The following COBLL1 variants were observed in gnomAD, a reference collection of about 807,000 sequenced individuals.
COBLL1 encodes the protein cordon-bleu WH2 repeat protein like 1, also known as cordon-bleu protein-like 1.
In COBLL1, 50 loss-of-function variants were observed where a neutral mutation model predicts 94.8. That is an observed-to-expected ratio of 0.53 (90% CI 0.42 to 0.67). COBLL1 has a LOEUF of 0.67. COBLL1 is among the 30% of genes least tolerant of loss of function. The pLI is 0.00. For synonymous variants in COBLL1, 448 were observed against 473.8 expected (o/e 0.95, Z 0.71); for missense variants, 1,362 against 1,348.7 (o/e 1.01, Z -0.15).
At chr2:164,745,411 GCCC>G (rs1381709941) in intron 2 of COBLL1, among the ~76,000 whole-genome samples, 1 of 152,098 alleles carries the variant, frequency 6.6e-6, no homozygotes, top group Non-Finnish European at 1.5e-5. Context: ...AAAGAAGAAT[GCCC>G]CCCAATTTCA....
At chr2:164,781,152 C>T (rs1688705341) in intron 2 of COBLL1, among the ~76,000 whole-genome samples, 1 of 152,224 alleles carries the variant, frequency 6.6e-6, no homozygotes, top group Non-Finnish European at 1.5e-5. Flanking sequence ...CTTTTACATA[C>T]ATCACAGTGA....
In COBLL1 at chr2:164,694,994, G is replaced by T. The variant is rs1574421633; in HGVS notation, c.2398C>A (p.Pro800Thr). The change falls in exon 12 of 14, where the codon CCT (proline) becomes ACT (threonine). Residue 800 changes from proline to threonine, a missense_variant. Physicochemically the swap from Pro to Thr is conservative, Grantham distance 38 (BLOSUM62 -1). Coordinates refer to ENST00000652658, the MANE Select transcript of COBLL1 (RefSeq NM_001365672.2). ...ACTTGATGCTCTGTTCTCAGGTTAG[G>T]CTTCGGTTTAAGGTTTGGCAGTGGC... ...EEPLPNLKPKPNLRTEHQVPS... is the reference protein window; with the variant it reads ...EEPLPNLKPKTNLRTEHQVPS... 6.2e-7 allele frequency: 1 copy of T among 1,613,822 alleles called. No individual in the cohort carries two copies. The highest frequency in any genetic ancestry group is 1.3e-5 in the African/African-American group (1 of 74,878).
chr2:164,724,500 G>T (rs1685619177), intron 5 of COBLL1: 1 of 152,094 alleles, frequency 6.6e-6, no homozygotes, highest in South Asian at 2.1e-4. Context: ...TAAAACAAAT[G>T]ACCTAGTTTC....
chr2:164,733,780 T>C (rs576562323), intron 3 of COBLL1, among the ~76,000 whole-genome samples: 32 of 152,324 alleles, frequency 2.1e-4, no homozygotes, highest in Admixed American at 3.9e-4. Flanking sequence ...TGTTTTACAG[T>C]AATATGCCCA....
rs1683155598 is a variant in COBLL1, at chr2:164,683,825, G to T, written c.*2121C>A. 6.6e-6 allele frequency: 1 copy of T among 152,124 alleles called. No homozygotes were observed. The highest frequency in any genetic ancestry group is 1.5e-5 in the Non-Finnish European group (1 of 68,024). 9.4% of individuals were successfully genotyped at this position (152,124 alleles called of 1,614,324 possible). ...CTCTAGCTTGTTCATTTGGACTGCT[G>T]TGTGGAAGTCTATCATATGAATATA... On this transcript the variant is annotated 3_prime_UTR_variant, in exon 14 of 14. Transcript: ENST00000652658.
chr2:164,778,168 C>T (rs1274722588), intron 2 of COBLL1, among the ~76,000 whole-genome samples: 2 of 152,144 alleles, frequency 1.3e-5, no homozygotes, highest in Non-Finnish European at 2.9e-5. Context: ...ACTCACTCAA[C>T]ATTTACTGAG....
chr2:164,678,248 C>T (rs1691370753), downstream of COBLL1, among the ~76,000 whole-genome samples: 2 of 152,068 alleles, frequency 1.3e-5, no homozygotes, highest in Non-Finnish European at 2.9e-5. Context: ...GTGCAGTATA[C>T]ACATTTTGAC....
At chr2:164,709,803 T>C (rs1200498249) in intron 7 of COBLL1, among the ~76,000 whole-genome samples, 1 of 152,214 alleles carries the variant, frequency 6.6e-6, no homozygotes, top group Non-Finnish European at 1.5e-5. Context: ...CGTACAATTA[T>C]GTGGTCTGTC....
At chr2:164,840,272 G>C (rs1273088947) in intron 2 of COBLL1, among the ~76,000 whole-genome samples, 1 of 151,444 alleles carries the variant, frequency 6.6e-6, no homozygotes, top group Admixed American at 6.6e-5. Context: ...AAACTATGTT[G>C]GAGGAACACT....
At chr2:164,781,707 T>C (rs1688732162) in intron 2 of COBLL1, among the ~76,000 whole-genome samples, 1 of 152,232 alleles carries the variant, frequency 6.6e-6, no homozygotes, top group Non-Finnish European at 1.5e-5. Context: ...AAGTCAAATT[T>C]AATTTGAAAT....
chr2:164,815,334 G>C (rs955668664), intron 2 of COBLL1, among the ~76,000 whole-genome samples: 1 of 151,486 alleles, frequency 6.6e-6, no homozygotes, highest in Non-Finnish European at 1.5e-5. Context: ...AGGAGGCGGA[G>C]GTTGCAGTGA....
At chr2:164,815,400 A>C (rs1684679315) in intron 2 of COBLL1, among the ~76,000 whole-genome samples, 1 of 66,304 alleles carries the variant, frequency 1.5e-5, no homozygotes, top group African/African-American at 1.8e-4. Flanking sequence ...TCCTATCTCA[A>C]AAAAAAAAAA....
Position 164,669,623 on chromosome 2 carries a change from A to T in COBLL1, n.127-3722T>A, listed in dbSNP as rs773088212. On this transcript the variant is annotated intron_variant and non_coding_transcript_variant, in intron 1 of 2. Coordinates refer to the COBLL1 transcript ENST00000495084. The stretch of plus-strand genomic sequence containing the variant: ...ATGTGAAGCCCTGTAACTTTGCTGG[A>T]TGTACCCAATTGGGAACACTGCAAA... Among the ~76,000 whole-genome samples, 115 of 152,200 alleles carry T rather than the reference A, an allele frequency of 7.6e-4. 1 individual carries two copies. Among genetic ancestry groups the T allele is most frequent in the Non-Finnish European group, 2.4e-4 (16 of 68,024 alleles).
chr2:164,776,049 T>C (rs535956949), intron 2 of COBLL1, among the ~76,000 whole-genome samples: 1 of 151,930 alleles, frequency 6.6e-6, no homozygotes, highest in Non-Finnish European at 1.5e-5. Flanking sequence ...CCAAAAAAGA[T>C]GCTGAATTAA....
chr2:164,735,634 G>A (rs558610698), intron 3 of COBLL1, among the ~76,000 whole-genome samples: 1 of 152,168 alleles, frequency 6.6e-6, no homozygotes, highest in African/African-American at 2.4e-5. Context: ...TGCCGCTGGG[G>A]TTAACTAGTC....
intron 2 of COBLL1, among the ~76,000 whole-genome samples, chr2:164,823,060 AT>A (rs1446341905): frequency 2.6e-5 from 4 of 152,188 alleles, no homozygotes; most frequent in Non-Finnish European, 4.4e-5. Context: ...AGTATTTGAA[AT>A]TGCATAATAA....
At chr2:164,806,775 T>C (rs925847227) in intron 2 of COBLL1, among the ~76,000 whole-genome samples, 5 of 152,168 alleles carry the variant, frequency 3.3e-5, no homozygotes, top group Non-Finnish European at 7.4e-5. Flanking sequence ...TCACAGCTAA[T>C]TGTGGCCTCT....
At chr2:164,693,717 A>G (rs1007783956) in intron 12 of COBLL1, among the ~76,000 whole-genome samples, 1 of 152,166 alleles carries the variant, frequency 6.6e-6, no homozygotes, top group Admixed American at 6.6e-5. Flanking sequence ...ATGGGGAATT[A>G]AGAAAATTAC....
intron 3 of COBLL1, among the ~76,000 whole-genome samples, chr2:164,732,570 C>T (rs1686074930): frequency 1.3e-5 from 2 of 152,196 alleles, no homozygotes; most frequent in South Asian, 4.1e-4. Flanking sequence ...AGAGAACTTT[C>T]ATTGCCAACT....
Sources: allele counts gnomAD v4.1 joint callset (sites outside exome capture counted in the v4.1 genomes callset), GRCh38; gene constraint gnomAD v4.1.1; transcripts MANE v1.5; gene names NCBI Gene and HGNC (gene_info 2026-07-23, HGNC 2026-07-21).